Variants in SLC24A2 observed in about 807,000 individuals in gnomAD.
The protein encoded by SLC24A2 is sodium/potassium/calcium exchanger 2.
Under a neutral mutation model 62.0 loss-of-function variants are expected in SLC24A2, and 36 were observed. The observed-to-expected ratio is 0.58, with a 90% CI of 0.44 to 0.77. SLC24A2 has a LOEUF of 0.77. SLC24A2 is among the 30% of genes least tolerant of loss of function. SLC24A2 has a pLI of 0.00. For missense variants in SLC24A2, 846 were observed against 817.9 expected (o/e 1.03, Z -0.42); for synonymous variants, 358 against 294.0 (o/e 1.22, Z -2.23).
At chr9:19,540,565 C>A (rs1297591139) in intron 8 of SLC24A2, among the ~76,000 whole-genome samples, 2,162 of 145,230 alleles carry the variant, frequency 0.015, 53 homozygotes, top group African/African-American at 0.055. Flanking sequence ...GGGTTTCTGC[C>A]GAGAGATCCG....
chr9:19,918,105 A>G, the SLC24A2 span, among the ~76,000 whole-genome samples: 1 of 151,678 alleles, frequency 6.6e-6, no homozygotes, highest in Non-Finnish European at 1.5e-5. Flanking sequence ...ATCCTTCGAA[A>G]TAATCATATT....
At chr9:19,701,532 G>A (rs765976814) in intron 2 of SLC24A2, among the ~76,000 whole-genome samples, 2 of 152,128 alleles carry the variant, frequency 1.3e-5, no homozygotes, top group African/African-American at 2.4e-5. Context: ...AAACTAAAGA[G>A]GCCTAAGGAA....
chr9:20,192,307 G>T, the SLC24A2 span, among the ~76,000 whole-genome samples: 1 of 152,068 alleles, frequency 6.6e-6, no homozygotes, highest in East Asian at 1.9e-4. Flanking sequence ...GGGCTGGGGA[G>T]GCCTGGAAAG....
intron 10 of SLC24A2, among the ~76,000 whole-genome samples, chr9:19,517,910 AAC>A (rs56840950): frequency 0.22 from 28,493 of 131,338 alleles, 2,897 homozygotes; most frequent in Middle Eastern, 0.31. Flanking sequence ...TTCTTATTAA[AAC>A]ACACACACAC....
chr9:19,900,781 T>C, the SLC24A2 span, among the ~76,000 whole-genome samples: 7 of 152,222 alleles, frequency 4.6e-5, no homozygotes, highest in African/African-American at 1.7e-4. Context: ...ATCTACTCTA[T>C]TCTCTTACTA....
At chr9:19,737,900 T>G (rs1025045548) in intron 2 of SLC24A2, among the ~76,000 whole-genome samples, 1 of 152,138 alleles carries the variant, frequency 6.6e-6, no homozygotes, top group Non-Finnish European at 1.5e-5. Flanking sequence ...AGAATCACCA[T>G]GAAGCTTCAC....
chr9:19,859,760 T>C, the SLC24A2 span, among the ~76,000 whole-genome samples: 1 of 152,158 alleles, frequency 6.6e-6, no homozygotes, highest in Non-Finnish European at 1.5e-5. Context: ...GTGGCAGCAT[T>C]GTGAGGAGGG....
the SLC24A2 span, among the ~76,000 whole-genome samples, chr9:19,798,225 C>T: frequency 6.6e-6 from 1 of 151,864 alleles, no homozygotes; most frequent in Non-Finnish European, 1.5e-5. Flanking sequence ...TTCATTTGTT[C>T]TTTTATATAA....
chr9:19,878,708 C>A, the SLC24A2 span, among the ~76,000 whole-genome samples: 1 of 152,076 alleles, frequency 6.6e-6, no homozygotes, highest in African/African-American at 2.4e-5. Context: ...CTGCTTGTTT[C>A]CCCTTTGCCT....
chr9:19,996,838 G>A, the SLC24A2 span, among the ~76,000 whole-genome samples: 2 of 151,396 alleles, frequency 1.3e-5, no homozygotes, highest in African/African-American at 2.4e-5. Flanking sequence ...CAAGTGGTAC[G>A]TTTCCCTGGT....
chr9:20,258,086 C>T, the SLC24A2 span, among the ~76,000 whole-genome samples: 3 of 152,186 alleles, frequency 2.0e-5, no homozygotes, highest in African/African-American at 2.4e-5. Context: ...CCTACACACA[C>T]CCCATGTGGT....
At chr9:19,526,983 A>C (rs1833474189) in intron 9 of SLC24A2, among the ~76,000 whole-genome samples, 2 of 152,116 alleles carry the variant, frequency 1.3e-5, no homozygotes, top group South Asian at 4.1e-4. Context: ...AAACTCTTAC[A>C]TTTCAAACTA....
chr9:19,811,257 C>T, the SLC24A2 span, among the ~76,000 whole-genome samples: 1 of 152,176 alleles, frequency 6.6e-6, no homozygotes, highest in Non-Finnish European at 1.5e-5. Context: ...AACATATTGG[C>T]ACCCTGATCT....
the SLC24A2 span, among the ~76,000 whole-genome samples, chr9:20,070,518 G>T: frequency 6.6e-6 from 1 of 152,234 alleles, no homozygotes; most frequent in South Asian, 2.1e-4. Context: ...ACCGCAGGCA[G>T]CATATTCAGG....
At chr9:19,787,641 T>C (rs1823214296) in intron 1 of SLC24A2, among the ~76,000 whole-genome samples, 1 of 152,194 alleles carries the variant, frequency 6.6e-6, no homozygotes, top group African/African-American at 2.4e-5. Context: ...AAGTAGTCCT[T>C]TACAAATTTA....
chr9:20,169,546 T>C, the SLC24A2 span, among the ~76,000 whole-genome samples: 1 of 152,010 alleles, frequency 6.6e-6, no homozygotes, highest in Non-Finnish European at 1.5e-5. Flanking sequence ...TGAAGCCTGG[T>C]AGACCTGCTG....
the SLC24A2 span, among the ~76,000 whole-genome samples, chr9:20,228,471 T>A: frequency 1.3e-5 from 2 of 151,778 alleles, no homozygotes; most frequent in African/African-American, 4.8e-5. Context: ...CCCCAAATTG[T>A]CTTTTAAAAA....
chr9:19,791,036 TA>T (rs1489998290), upstream of SLC24A2, among the ~76,000 whole-genome samples: 1 of 152,224 alleles, frequency 6.6e-6, no homozygotes, highest in African/African-American at 2.4e-5. Flanking sequence ...TTGCACATAA[TA>T]AAAATTCATT....
At chr9:19,729,321 A>G (rs1384885318) in intron 2 of SLC24A2, among the ~76,000 whole-genome samples, 1 of 152,226 alleles carries the variant, frequency 6.6e-6, no homozygotes, top group African/African-American at 2.4e-5. Flanking sequence ...GGTTCCTCCA[A>G]AAACTACAAA....
Sources: gnomAD v4.1 joint callset for allele counts (sites outside exome capture counted in the v4.1 genomes callset) on GRCh38, gnomAD v4.1.1 for gene constraint, MANE v1.5 for transcripts, NCBI Gene and HGNC (gene_info 2026-07-23, HGNC 2026-07-21) for gene names.